Variants in ZNF385D observed in about 807,000 individuals in gnomAD.
ZNF385D encodes zinc finger protein 659.
In ZNF385D, 15 loss-of-function variants were observed where a neutral mutation model predicts 35.8. The observed-to-expected ratio is 0.42, with a 90% CI of 0.28 to 0.64. ZNF385D has a LOEUF of 0.64. Among genes scored for constraint, ZNF385D ranks in the 30% least tolerant of loss-of-function variants. The probability of loss-of-function intolerance (pLI) is 0.23; values close to 1 mark genes in which losing one functional copy is unlikely to be tolerated. For synonymous variants in ZNF385D, 212 were observed against 186.8 expected (o/e 1.13, Z -1.10); for missense variants, 474 against 494.6 (o/e 0.96, Z 0.39).
chr3:22,104,988 G>C (rs1426726439), intron 3 of ZNF385D, among the ~76,000 whole-genome samples: 1 of 152,110 alleles, frequency 6.6e-6, no homozygotes, highest in Non-Finnish European at 1.5e-5. Flanking sequence ...AGTATTATTA[G>C]AGAATGAAAG....
At chr3:21,884,685 T>C in intron 3 of ZNF385D, among the ~76,000 whole-genome samples, 1 of 152,118 alleles carries the variant, frequency 6.6e-6, no homozygotes, top group Non-Finnish European at 1.5e-5. Flanking sequence ...TTTATTTGTG[T>C]GTATTTCATC....
At chr3:22,173,066 T>TG (rs1403265359) in intron 2 of ZNF385D, among the ~76,000 whole-genome samples, 2 of 152,194 alleles carry the variant, frequency 1.3e-5, no homozygotes, top group African/African-American at 4.8e-5. Context: ...AACAATGGTA[T>TG]TTCACCTCTG....
rs888245630 is a variant in ZNF385D at position 21,758,469 on chromosome 3, G to C, written c.326-93441C>G. On this transcript the variant is annotated intron_variant, in intron 3 of 5. Transcript: ENST00000494108. ...ATCCCAAGTCTCTGAAGGAAACCCA[G>C]CTAGGAACCAGAGGGCCAGTCAACC... Among the ~76,000 whole-genome samples the C allele has an allele frequency of 1.3e-5, 2 of 152,270 alleles. 1 individual carries two copies.
intron 2 of ZNF385D, among the ~76,000 whole-genome samples, chr3:22,273,524 C>T (rs1024192151): frequency 6.6e-5 from 10 of 151,718 alleles, no homozygotes; most frequent in Non-Finnish European, 1.5e-4. Context: ...AACTAGCCCT[C>T]ATAACAAAAA....
At chr3:22,286,535 G>T (rs980265856) in intron 2 of ZNF385D, among the ~76,000 whole-genome samples, 3 of 152,000 alleles carry the variant, frequency 2.0e-5, no homozygotes, top group African/African-American at 7.2e-5. Context: ...GCTCATGATT[G>T]CTACTATAAA....
chr3:22,177,734 TC>T (rs1352400908), intron 2 of ZNF385D, among the ~76,000 whole-genome samples: 1 of 152,122 alleles, frequency 6.6e-6, no homozygotes, highest in Non-Finnish European at 1.5e-5. Context: ...CTCTCCCCTC[TC>T]CCCAAACCCC....
At chr3:22,371,928 AAAG>A (rs369549840) in intron 2 of ZNF385D, among the ~76,000 whole-genome samples, 36 of 152,036 alleles carry the variant, frequency 2.4e-4, no homozygotes, top group South Asian at 8.3e-4. Flanking sequence ...TTTGTTTTAA[AAAG>A]AAGAAGAAGA....
intron 3 of ZNF385D, among the ~76,000 whole-genome samples, chr3:21,519,229 G>A (rs1385227446): frequency 6.6e-6 from 1 of 152,136 alleles, no homozygotes; most frequent in Non-Finnish European, 1.5e-5. Flanking sequence ...AAGAGGAAGA[G>A]AAGCATGTCA....
intron 3 of ZNF385D, among the ~76,000 whole-genome samples, chr3:21,817,400 TA>T (rs2073199224): frequency 6.6e-6 from 1 of 152,060 alleles, no homozygotes; most frequent in Non-Finnish European, 1.5e-5. Flanking sequence ...ACAGGCAACC[TA>T]CAGAATGGGA....
intron 3 of ZNF385D, among the ~76,000 whole-genome samples, chr3:22,166,524 C>T (rs771618499): frequency 4.3e-4 from 66 of 152,230 alleles, no homozygotes; most frequent in Non-Finnish European, 8.4e-4. Context: ...ATAGTATTAA[C>T]TGATGTTATC....
chr3:21,962,040 A>T (rs1576018074), intron 3 of ZNF385D, among the ~76,000 whole-genome samples: 1 of 152,156 alleles, frequency 6.6e-6, no homozygotes, highest in Non-Finnish European at 1.5e-5. Flanking sequence ...GAAGACACTA[A>T]AAAGTGTAAA....
chr3:21,887,384 G>C (rs1398460286), intron 3 of ZNF385D, among the ~76,000 whole-genome samples: 1 of 152,098 alleles, frequency 6.6e-6, no homozygotes, highest in Non-Finnish European at 1.5e-5. Flanking sequence ...ATGAAATGAA[G>C]GGAGAGCATT....
chr3:22,172,779 T>C (rs1412830154), intron 2 of ZNF385D, among the ~76,000 whole-genome samples: 2 of 152,204 alleles, frequency 1.3e-5, no homozygotes, highest in Non-Finnish European at 2.9e-5. Flanking sequence ...CTGATATAAA[T>C]ATAAATGAAG....
chr3:21,636,636 C>G (rs985195266), intron 2 of ZNF385D, among the ~76,000 whole-genome samples: 6 of 151,590 alleles, frequency 4.0e-5, no homozygotes, highest in Non-Finnish European at 8.8e-5. Context: ...ATTCTGGCCA[C>G]ACTGGCAGCT....
At chr3:21,623,422 C>T (rs2065058922) in intron 2 of ZNF385D, among the ~76,000 whole-genome samples, 1 of 151,956 alleles carries the variant, frequency 6.6e-6, no homozygotes, top group Non-Finnish European at 1.5e-5. Flanking sequence ...GTGGAAGCAT[C>T]TCTTGAGCCC....
intron 2 of ZNF385D, among the ~76,000 whole-genome samples, chr3:22,281,835 C>G (rs1701760027): frequency 6.6e-6 from 1 of 151,982 alleles, no homozygotes; most frequent in African/African-American, 2.4e-5. Flanking sequence ...GTTTGAATGT[C>G]TGATAGAATT....
At chr3:22,229,211 C>A (rs573031315) in intron 2 of ZNF385D, among the ~76,000 whole-genome samples, 1 of 152,314 alleles carries the variant, frequency 6.6e-6, no homozygotes, top group African/African-American at 2.4e-5. Context: ...ATTTTGTTTT[C>A]AGTCCTAAAA....
chr3:21,461,997 G>T (rs1467623948), intron 4 of ZNF385D, among the ~76,000 whole-genome samples: 1 of 152,118 alleles, frequency 6.6e-6, no homozygotes, highest in Non-Finnish European at 1.5e-5. Context: ...ATATATAATA[G>T]TTGCCTAATA....
intron 4 of ZNF385D, among the ~76,000 whole-genome samples, chr3:21,445,503 G>C (rs1469476023): frequency 1.3e-5 from 2 of 152,128 alleles, no homozygotes; most frequent in Non-Finnish European, 1.5e-5. Flanking sequence ...CTCATTCTAG[G>C]AAAGAAGCCT....
Sources: gnomAD v4.1 joint callset for allele counts (sites outside exome capture counted in the v4.1 genomes callset) on GRCh38, gnomAD v4.1.1 for gene constraint, MANE v1.5 for transcripts, NCBI Gene and HGNC (gene_info 2026-07-23, HGNC 2026-07-21) for gene names.